Variants in ALDH18A1 observed in about 807,000 individuals in gnomAD.
The protein encoded by ALDH18A1 is aldehyde dehydrogenase 18 family member A1, also known as delta-1-pyrroline-5-carboxylate synthase.
A neutral mutation model predicts 88.8 loss-of-function variants in ALDH18A1; 44 were observed. The observed-to-expected ratio is 0.50, with a 90% confidence interval of 0.39 to 0.64. The LOEUF is 0.64. ALDH18A1 is among the 30% of genes least tolerant of loss of function. The pLI is 0.00. For missense variants in ALDH18A1, 782 were observed against 1,009.5 expected, an observed-to-expected ratio of 0.77 and a Z score of 3.05; for synonymous variants, 331 against 372.1, an observed-to-expected ratio of 0.89 and a Z score of 1.27.
chr10:95,647,938 A>G (rs2097903882), intron 2 of ALDH18A1, among the ~76,000 whole-genome samples: 1 of 152,216 alleles, frequency 6.6e-6, no homozygotes, highest in Admixed American at 6.5e-5. Context: ...GCCTCTTACC[A>G]CACACCTCAC....
chr10:95,606,184 T>C lies in ALDH18A1; in HGVS notation c.*578A>G, dbSNP rs1002024051. On this transcript the variant is annotated 3_prime_UTR_variant, in exon 18 of 18. Coordinates refer to ENST00000371224, the MANE Select transcript of ALDH18A1 (RefSeq NM_002860.4). ...ACAGCATCTCCTGGATGCAGGAAGC[T>C]GCAAGCATCTGGAATGCTTATTAAT... 2.5e-5 allele frequency: 23 copies of C among 913,540 alleles called. No individual in the cohort carries two copies. The highest frequency in any genetic ancestry group is 5.5e-4 in the Middle Eastern group (1 of 1,820). The allele number at this position is 913,540 out of a possible 1,614,324, so 56.6% of individuals were successfully genotyped here. A position where few individuals can be genotyped will look rare whatever the true frequency, so the allele number is the denominator to read the frequency against.
chr10:95,621,877 T>G (rs1345203491), intron 11 of ALDH18A1, among the ~76,000 whole-genome samples: 1 of 152,188 alleles, frequency 6.6e-6, no homozygotes, highest in African/African-American at 2.4e-5. Flanking sequence ...TACCTAAATA[T>G]TCAGACAATG....
chr10:95,643,292 G>A, intron 2 of ALDH18A1, 86 bp from the exon 3 acceptor site: 1 of 1,325,712 alleles, frequency 7.5e-7, no homozygotes, highest in Non-Finnish European at 1.1e-6. Flanking sequence ...GTATTAACCA[G>A]TTTAGATACC....
rs748381335 is a variant in ALDH18A1, at chr10:95,621,033, G to C, written c.1465C>G (p.Gln489Glu). 2.5e-6 allele frequency: 4 copies of C among 1,613,982 alleles called. No homozygotes were observed. Among genetic ancestry groups the C allele is most frequent in the East Asian group, 2.2e-5 (1 of 44,882 alleles). ...ATTCTCCCGGGGTATATACACACCT[G>C]GGGTAGACAGTCAGGACGAGATTCA... ...IFESRPDCLPQVAALAIASGN... is the reference protein window; with the variant it reads ...IFESRPDCLPEVAALAIASGN... The change falls in exon 12 of 18, where the codon CAG becomes GAG. Residue 489 changes from glutamine to glutamate, a missense_variant and splice_region_variant. Physicochemically the swap from Gln to Glu is conservative, Grantham distance 29. This residue lies in a region of ALDH18A1 where 556 missense variants were observed against 654.5 expected (regional missense o/e 0.85). Transcript: ENST00000371224.
chr10:95,641,839 A>G (rs2097892327), intron 3 of ALDH18A1, among the ~76,000 whole-genome samples: 1 of 151,804 alleles, frequency 6.6e-6, no homozygotes, highest in Non-Finnish European at 1.5e-5. Flanking sequence ...TGGGGGTCTC[A>G]CTATGTGGCT....
intron 2 of ALDH18A1, among the ~76,000 whole-genome samples, chr10:95,651,562 G>A (rs1366678816): frequency 6.6e-6 from 1 of 152,220 alleles, no homozygotes; most frequent in African/African-American, 2.4e-5. Context: ...TTCTGGTGAG[G>A]CCTCAGGAAG....
intron 16 of ALDH18A1, among the ~76,000 whole-genome samples, chr10:95,610,555 T>C (rs969978259): frequency 2.0e-5 from 3 of 152,236 alleles, no homozygotes; most frequent in Admixed American, 6.5e-5. Context: ...TTCCTACTTA[T>C]GGGCTCCAGA....
rs1397590984 is a variant in ALDH18A1, at chr10:95,628,372, GCTTC to G, written c.925_928del (p.Glu309ProfsTer3). 1 of 1,614,042 alleles carries G rather than the reference GCTTC, an allele frequency of 6.2e-7. No homozygotes were observed. Among genetic ancestry groups the G allele is most frequent in the Non-Finnish European group, 8.5e-7 (1 of 1,179,978 alleles). ...GTTAAGGCACCAGATTCTTACCTTG[GCTTC>G]CATGCCACCCATTCCCACTCTAGAC... On this transcript the variant is annotated frameshift_variant, in exon 8 of 18. Coordinates refer to ENST00000371224, the MANE Select transcript of ALDH18A1 (RefSeq NM_002860.4). LOFTEE classifies it high-confidence loss of function.
intron 13 of ALDH18A1, among the ~76,000 whole-genome samples, chr10:95,615,781 T>C (rs2097843207): frequency 6.6e-6 from 1 of 152,124 alleles, no homozygotes; most frequent in African/African-American, 2.4e-5. Flanking sequence ...AAAAAAAGGA[T>C]CTGGAGTCAG....
At chr10:95,653,566 G>C (rs1310433416) in intron 1 of ALDH18A1, among the ~76,000 whole-genome samples, 161 bp from the exon 2 acceptor site, 1 of 152,036 alleles carries the variant, frequency 6.6e-6, no homozygotes, top group East Asian at 1.9e-4. Flanking sequence ...ATAGAAAAGA[G>C]AGAAAAAGTA....
intron 12 of ALDH18A1, among the ~76,000 whole-genome samples, chr10:95,619,462 A>AC (rs1302766788): frequency 6.6e-6 from 1 of 152,224 alleles, no homozygotes; most frequent in Non-Finnish European, 1.5e-5. Context: ...AGAACCAAAA[A>AC]AGAGCCCGCA....
intron 17 of ALDH18A1, 46 bp downstream of exon 17, chr10:95,610,151 G>C: frequency 6.3e-7 from 1 of 1,576,596 alleles, no homozygotes; most frequent in Non-Finnish European, 8.7e-7. Context: ...AGACCACACA[G>C]TGCTTCACAA....
intron 12 of ALDH18A1, among the ~76,000 whole-genome samples, chr10:95,620,609 A>G (rs937580930): frequency 4.5e-4 from 69 of 152,242 alleles, no homozygotes; most frequent in Non-Finnish European, 8.7e-4. Context: ...GCCATAAAAA[A>G]GGGTAAGTTC....
chr10:95,650,436 G>T lies in ALDH18A1; in HGVS notation c.88+2854C>A, dbSNP rs34426141. On this transcript the variant is annotated intron_variant, in intron 2 of 17. Coordinates refer to ENST00000371224, the MANE Select transcript of ALDH18A1 (RefSeq NM_002860.4). ...CAGTGTTGGAGGTGGGGCCTGGTAGGAAGTGTTTGAATTACGGGGGCAGAT... is the reference window on the plus strand; with the variant it reads ...CAGTGTTGGAGGTGGGGCCTGGTAGTAAGTGTTTGAATTACGGGGGCAGAT... Among the ~76,000 whole-genome samples the T allele has an allele frequency of 6.6e-5, 10 of 152,328 alleles. No homozygotes were observed. In the South Asian group the frequency reaches 2.1e-3, roughly 32 times the overall value.
intron 13 of ALDH18A1, among the ~76,000 whole-genome samples, chr10:95,614,681 A>G (rs1025231027): frequency 1.3e-5 from 2 of 152,174 alleles, no homozygotes; most frequent in African/African-American, 4.8e-5. Flanking sequence ...TGGGATGTGG[A>G]TTAGAATGAC....
At position 95,610,236 on chromosome 10, in the gene ALDH18A1, C is replaced by T; in HGVS notation, c.2167G>A (p.Ala723Thr). The T allele has an allele frequency of 6.2e-7, 1 of 1,614,114 alleles. No individual in the cohort carries two copies. Among genetic ancestry groups the T allele is most frequent in the Non-Finnish European group, 8.5e-7 (1 of 1,179,986 alleles). The change falls in exon 17 of 18, where the codon GCC (alanine) becomes ACC (threonine). Residue 723 changes from alanine to threonine, a missense_variant. Physicochemically the swap from Ala to Thr is moderately conservative, Grantham distance 58. Coordinates refer to ENST00000371224, the MANE Select transcript of ALDH18A1 (RefSeq NM_002860.4). ...HVDSACVFWNASTRFSDGYRF... is the reference protein window; with the variant it reads ...HVDSACVFWNTSTRFSDGYRF... ...TAACCATCAGAAAAGCGAGTGCTGG[C>T]ATTCCAGAACACACAGGCACTGTCT... is the stretch of plus-strand genomic sequence containing the variant.
chr10:95,647,056 C>CT (rs879517300), intron 2 of ALDH18A1, among the ~76,000 whole-genome samples: 6 of 151,644 alleles, frequency 4.0e-5, no homozygotes, highest in African/African-American at 7.3e-5. Context: ...CCTTTCTTTT[C>CT]TTTTTTTTTC....
rs752174025 is a variant in ALDH18A1 at position 95,643,104 on chromosome 10, C to T, written c.191G>A (p.Arg64His). 10 of 1,614,192 alleles carry T rather than the reference C, an allele frequency of 6.2e-6. No homozygotes were observed. Among genetic ancestry groups the T allele is most frequent in the South Asian group, 1.1e-5 (1 of 91,086 alleles). ...SRTHGKSFAH[R>H]SELKHAKRIV... ...TCTCTTGGCATGCTTCAGCTCACTGCGGTGGGCGAAGGACTTGCCATGTGT... is the reference window on the plus strand; with the variant it reads ...TCTCTTGGCATGCTTCAGCTCACTGTGGTGGGCGAAGGACTTGCCATGTGT... Residue 64 changes from arginine (R) to histidine (H), a missense_variant, in exon 3 of 18, where the codon CGC (arginine) becomes CAC (histidine). By Grantham distance (29) the Arg-to-His change is conservative. This residue lies in a region of ALDH18A1 where 94 missense variants were observed against 99.5 expected (regional missense o/e 0.94). Coordinates refer to ENST00000371224, the MANE Select transcript of ALDH18A1 (RefSeq NM_002860.4).
At position 95,643,838 on chromosome 10, in the gene ALDH18A1, T is replaced by C. The variant is rs571180215; in HGVS notation, c.89-632A>G. Among the ~76,000 whole-genome samples, 6 of 152,198 alleles carry C rather than the reference T, an allele frequency of 3.9e-5. No homozygotes were observed. In the South Asian group the frequency reaches 1.0e-3, roughly 26 times the overall value. ...TATGGGTGTTTCTAAAGAAACCATA[T>C]TACTATAAAAAGAGGAAAAAGCCGG... On this transcript the variant is annotated intron_variant, in intron 2 of 17. Coordinates refer to ENST00000371224, the MANE Select transcript of ALDH18A1 (RefSeq NM_002860.4).
Sources: allele counts gnomAD v4.1 joint callset (sites outside exome capture counted in the v4.1 genomes callset), GRCh38; gene constraint gnomAD v4.1.1; regional missense constraint gnomAD v4.1.1; transcripts MANE v1.5; gene names NCBI Gene and HGNC (gene_info 2026-07-23, HGNC 2026-07-21).